Variants in TSC22D1 observed in about 807,000 individuals in gnomAD.
The protein encoded by TSC22D1 is TSC22 domain family protein 1.
TSC22D1 carries 9 observed loss-of-function variants against 74.2 expected under a neutral mutation model. That is an observed-to-expected ratio of 0.12 (90% CI 0.07 to 0.21). The LOEUF (loss-of-function observed/expected upper bound fraction) is 0.21, where lower values mean the gene tolerates loss of function less well. TSC22D1 is among the 10% of genes least tolerant of loss of function. The pLI is 1.00. For synonymous variants in TSC22D1, 586 were observed against 492.5 expected (o/e 1.19, Z -2.51); for missense variants, 1,427 against 1,304.7 (o/e 1.09, Z -1.44).
At chr13:44,551,118 A>G (rs1434382887) in intron 1 of TSC22D1, among the ~76,000 whole-genome samples, 1 of 152,046 alleles carries the variant, frequency 6.6e-6, no homozygotes, top group Admixed American at 6.6e-5. Flanking sequence ...AAAAAACAAA[A>G]GCAAGAATTA....
rs138245347 is a variant in TSC22D1 at position 44,540,227 on chromosome 13, T to C, written c.2912+32936A>G. Among the ~76,000 whole-genome samples, 19 of 152,224 alleles carry C rather than the reference T, an allele frequency of 1.2e-4. No homozygotes were observed. In the East Asian group the frequency reaches 3.3e-3, roughly 26 times the overall value. On this transcript the variant is annotated intron_variant, in intron 1 of 2. Coordinates refer to ENST00000458659, the MANE Select transcript of TSC22D1 (RefSeq NM_183422.4). ...TAAATTATGACTGGAAACAAGATCA[T>C]AGTTGTCTTTAAGGGACAGGGAAAA...
intron 1 of TSC22D1, among the ~76,000 whole-genome samples, chr13:44,517,835 A>G (rs1272197547): frequency 1.2e-3 from 18 of 15,226 alleles, no homozygotes; most frequent in African/African-American, 1.7e-3. Context: ...GTGTGTATAT[A>G]TATATATATA....
intron 1 of TSC22D1, among the ~76,000 whole-genome samples, chr13:44,497,782 T>C (rs1475892499): frequency 6.6e-6 from 1 of 152,214 alleles, no homozygotes; most frequent in Non-Finnish European, 1.5e-5. Flanking sequence ...AACAGTTTCA[T>C]AGATTGTCTA....
In TSC22D1 at chr13:44,432,418, G is replaced by GT. The variant is rs754430425; in HGVS notation, c.*2207dup. On this transcript the variant is annotated 3_prime_UTR_variant, in exon 3 of 3. Coordinates refer to ENST00000458659, the MANE Select transcript of TSC22D1 (RefSeq NM_183422.4). ...TTTTTCAAGGAAATGTAATTACTAC[G>GT]TAAGTATTCCTTTATTAAATTTGAA... is the stretch of plus-strand genomic sequence containing the variant. 3.4e-4 allele frequency: 52 copies of GT among 152,272 alleles called. No individual in the cohort carries two copies. Among genetic ancestry groups the GT allele is most frequent in the Admixed American group, 2.4e-3 (36 of 15,306 alleles). 9.4% of individuals were successfully genotyped at this position (152,272 alleles called of 1,614,324 possible). A position where few individuals can be genotyped will look rare whatever the true frequency, so the allele number is the denominator to read the frequency against.
chr13:44,497,389 G>C (rs1879024395), intron 1 of TSC22D1, among the ~76,000 whole-genome samples: 1 of 152,202 alleles, frequency 6.6e-6, no homozygotes, highest in Non-Finnish European at 1.5e-5. Context: ...GGCTGGGGCA[G>C]AGGCAAACTG....
intron 1 of TSC22D1, among the ~76,000 whole-genome samples, chr13:44,502,371 T>A (rs941471933): frequency 2.6e-5 from 4 of 152,190 alleles, no homozygotes; most frequent in Admixed American, 2.6e-4. Flanking sequence ...AATACTAGTT[T>A]TAAAACTTCC....
chr13:44,464,461 A>G (rs1476368816), intron 1 of TSC22D1, among the ~76,000 whole-genome samples: 1 of 152,138 alleles, frequency 6.6e-6, no homozygotes, highest in Non-Finnish European at 1.5e-5. Flanking sequence ...CTTTAATCAA[A>G]TTTGTCTAGG....
At chr13:44,501,286 C>T (rs1053969995) in intron 1 of TSC22D1, among the ~76,000 whole-genome samples, 6 of 152,126 alleles carry the variant, frequency 3.9e-5, no homozygotes, top group African/African-American at 1.4e-4. Context: ...GATATCCCAA[C>T]GATAGGAAAT....
chr13:44,518,068 G>A (rs1880139553), intron 1 of TSC22D1, among the ~76,000 whole-genome samples: 1 of 145,846 alleles, frequency 6.9e-6, no homozygotes, highest in Non-Finnish European at 1.5e-5. Context: ...TGTCCAGGCT[G>A]GTCTCAAACT....
chr13:44,454,453 A>T (rs1366292159), intron 1 of TSC22D1, among the ~76,000 whole-genome samples: 2 of 152,186 alleles, frequency 1.3e-5, no homozygotes, highest in African/African-American at 2.4e-5. Flanking sequence ...CTAAACTAAG[A>T]ACGTTATCAA....
intron 1 of TSC22D1, among the ~76,000 whole-genome samples, chr13:44,483,354 C>G (rs1878270670): frequency 6.6e-6 from 1 of 152,098 alleles, no homozygotes; most frequent in Non-Finnish European, 1.5e-5. Flanking sequence ...AGGAAATTTG[C>G]CATTGCTACT....
In TSC22D1 at chr13:44,517,827, G is replaced by GTATA. The variant is rs1278120734; in HGVS notation, c.2912+55335_2912+55336insTATA. Among the ~76,000 whole-genome samples, 192 of 24,596 alleles carry GTATA rather than the reference G, an allele frequency of 7.8e-3. 3 individuals are homozygous for GTATA. The highest frequency in any genetic ancestry group is 0.019 in the African/African-American group (148 of 7,972). The allele number at this position is 24,596 out of a possible 152,430, so 16.1% of individuals were successfully genotyped here. On this transcript the variant is annotated intron_variant, in intron 1 of 2. Transcript: ENST00000458659. ...CACATATATATGTGTGTGTGTGTGT[G>GTATA]TGTATATATATATATATATATATAT...
At chr13:44,454,452 G>A (rs1050444281) in intron 1 of TSC22D1, among the ~76,000 whole-genome samples, 3 of 152,048 alleles carry the variant, frequency 2.0e-5, no homozygotes, top group African/African-American at 7.3e-5. Flanking sequence ...GCTAAACTAA[G>A]AACGTTATCA....
At chr13:44,474,061 A>C (rs1395331769) in intron 1 of TSC22D1, among the ~76,000 whole-genome samples, 1 of 152,226 alleles carries the variant, frequency 6.6e-6, no homozygotes, top group Non-Finnish European at 1.5e-5. Context: ...CAGCTGGGAA[A>C]AACAAAGCAA....
At chr13:44,527,108 A>G (rs887933504) in intron 1 of TSC22D1, among the ~76,000 whole-genome samples, 10 of 152,256 alleles carry the variant, frequency 6.6e-5, no homozygotes, top group South Asian at 4.1e-4. Flanking sequence ...CTTGAAAAGT[A>G]TAAGAGAAAA....
chr13:44,552,866 T>C (rs1470896388), intron 1 of TSC22D1, among the ~76,000 whole-genome samples: 1 of 152,148 alleles, frequency 6.6e-6, no homozygotes, highest in East Asian at 1.9e-4. Context: ...CAGGCGCCTT[T>C]AGTCCCATCT....
At chr13:44,505,548 T>A (rs1879408434) in intron 1 of TSC22D1, among the ~76,000 whole-genome samples, 1 of 152,086 alleles carries the variant, frequency 6.6e-6, no homozygotes, top group Admixed American at 6.5e-5. Context: ...TGAGACTCCG[T>A]CTCAAAAAAT....
intron 1 of TSC22D1, among the ~76,000 whole-genome samples, chr13:44,555,804 CT>C (rs1293452269): frequency 6.6e-6 from 1 of 150,740 alleles, no homozygotes; most frequent in East Asian, 1.9e-4. Context: ...GAGAGAAAAG[CT>C]TTTTTCATTA....
intron 1 of TSC22D1, among the ~76,000 whole-genome samples, chr13:44,500,085 T>C (rs1415091985): frequency 1.5e-5 from 2 of 137,238 alleles, no homozygotes; most frequent in African/African-American, 5.5e-5. Flanking sequence ...CGAAAGCCCG[T>C]CTCAAAAAAG....
Sources: allele counts gnomAD v4.1 joint callset (sites outside exome capture counted in the v4.1 genomes callset), GRCh38; gene constraint gnomAD v4.1.1; transcripts MANE v1.5; gene names NCBI Gene and HGNC (gene_info 2026-07-23, HGNC 2026-07-21).